CEP57: variants seen among roughly 807,000 people sequenced by gnomAD.
The protein encoded by CEP57 is centrosomal protein of 57 kDa.
CEP57 carries 40 observed loss-of-function variants against 68.0 expected under a neutral mutation model. The observed-to-expected ratio is 0.59, with a 90% CI of 0.46 to 0.77. The LOEUF (loss-of-function observed/expected upper bound fraction) is 0.77. Ranked by LOEUF, CEP57 falls within the 30% of genes least tolerant of loss-of-function variation. The pLI is 0.00. For missense variants in CEP57, 606 were observed against 580.7 expected, an observed-to-expected ratio of 1.04 and a Z score of -0.45; for synonymous variants, 219 against 198.7, an observed-to-expected ratio of 1.10 and a Z score of -0.86.
Position 95,822,553 on chromosome 11 carries a change from G to A in CEP57, c.862G>A (p.Asp288Asn), listed in dbSNP as rs1029918025. 4.3e-6 allele frequency: 7 copies of A among 1,613,644 alleles called. No homozygotes were observed. The Admixed American group carries it at 8.3e-5, about 19-fold the overall frequency. ...ACCACATTATAGATTATGCTTGGGTGATATGCCATTTGTAGCTGGGAAGGT... is the reference window on the plus strand; with the variant it reads ...ACCACATTATAGATTATGCTTGGGTAATATGCCATTTGTAGCTGGGAAGGT... ...AQPHYRLCLG[D>N]MPFVAGKSTS... Residue 288 changes from aspartate to asparagine, a missense_variant, in exon 8 of 11, where the codon GAT becomes AAT. Physicochemically the swap from Asp to Asn is conservative, Grantham distance 23. Transcript: ENST00000325542.
At position 95,799,261 on chromosome 11, in the gene CEP57, T is replaced by G; in HGVS notation, c.75T>G (p.Asn25Lys). The change falls in exon 2 of 11, where the codon AAT (asparagine) becomes AAG (lysine). Residue 25 changes from asparagine (N) to lysine (K), a missense_variant. Asn to Lys is a moderately conservative substitution (Grantham distance 94, BLOSUM62 0). Transcript: ENST00000325542. ...SNSFAEPSRS[N>K]GSMVRHSSSP... is the part of the protein sequence containing the mutation. ...GCTTTGCTGAGCCATCAAGGTCTAA[T>G]GGAAGCATGGTTCGGCATTCTTCAT... 1 of 1,614,188 alleles carries G rather than the reference T, an allele frequency of 6.2e-7. No homozygotes were observed. The highest frequency in any genetic ancestry group is 1.1e-5 in the South Asian group (1 of 91,088).
intron 2 of CEP57, among the ~76,000 whole-genome samples, chr11:95,803,908 A>G (rs1166820997): frequency 6.6e-6 from 1 of 152,084 alleles, no homozygotes; most frequent in East Asian, 1.9e-4. Context: ...TTGTCAAAGG[A>G]TAGTAAAGTT....
intron 2 of CEP57, among the ~76,000 whole-genome samples, chr11:95,804,754 A>C (rs1424215010): frequency 2.0e-5 from 3 of 152,238 alleles, no homozygotes; most frequent in Non-Finnish European, 4.4e-5. Flanking sequence ...TCATATATAA[A>C]TAAATATGAC....
At chr11:95,812,127 C>T (rs1862090943) in intron 2 of CEP57, among the ~76,000 whole-genome samples, 2 of 152,076 alleles carry the variant, frequency 1.3e-5, no homozygotes, top group African/African-American at 2.4e-5. Context: ...TTAGAAAGTA[C>T]TTAAAATGCG....
chr11:95,802,605 T>G (rs192834727), intron 2 of CEP57, among the ~76,000 whole-genome samples: 96 of 152,318 alleles, frequency 6.3e-4, no homozygotes, highest in Non-Finnish European at 1.3e-3. Context: ...TTAGTTTTTC[T>G]TACTGGGAAT....
In CEP57 at chr11:95,831,298, T is replaced by G; in HGVS notation, c.*42T>G. ...AAATTTTATTCAGATAATCTGTACC[T>G]CATCAATCAGATGATGACAATTTAC... On this transcript the variant is annotated 3_prime_UTR_variant, in exon 11 of 11. Transcript: ENST00000325542. 7.4e-7 allele frequency: 1 copy of G among 1,342,606 alleles called. No homozygotes were observed. The highest frequency in any genetic ancestry group is 1.1e-6 in the Non-Finnish European group (1 of 938,466). The allele number at this position is 1,342,606 out of a possible 1,614,324, so 83.2% of individuals were successfully genotyped here. A position where few individuals can be genotyped will look rare whatever the true frequency, so the allele number is the denominator to read the frequency against.
At chr11:95,811,162 A>G (rs1369188605) in intron 2 of CEP57, among the ~76,000 whole-genome samples, 2 of 152,180 alleles carry the variant, frequency 1.3e-5, no homozygotes, top group Non-Finnish European at 1.5e-5. Context: ...ACGGTTCACA[A>G]TAGCAAAGAC....
rs1349447925 is a variant in CEP57, at chr11:95,827,996, A to G, written c.1096A>G (p.Thr366Ala). The change falls in exon 9 of 11, where the codon ACT (threonine) becomes GCT (alanine). Residue 366 changes from threonine (T) to alanine (A), a missense_variant. By Grantham distance (58) the Thr-to-Ala change is moderately conservative. Transcript: ENST00000325542. ...INEELSEVLQ[T>A]LQDEFGQMSF... ...TGAGGAGTTGTCAGAAGTCTTACAG[A>G]CTTTACAGGATGAATTTGGGCAAAT... 1 of 1,613,860 alleles carries G rather than the reference A, an allele frequency of 6.2e-7. No individual in the cohort carries two copies. Among genetic ancestry groups the G allele is most frequent in the Non-Finnish European group, 8.5e-7 (1 of 1,179,954 alleles).
chr11:95,800,721 C>T (rs1861541462), intron 2 of CEP57, among the ~76,000 whole-genome samples: 1 of 152,172 alleles, frequency 6.6e-6, no homozygotes, highest in Non-Finnish European at 1.5e-5. Flanking sequence ...TCTCTGAGTT[C>T]TGTTGTTACA....
chr11:95,796,747 G>T (rs548932065), intron 1 of CEP57, among the ~76,000 whole-genome samples: 17 of 152,186 alleles, frequency 1.1e-4, no homozygotes, highest in African/African-American at 4.1e-4. Flanking sequence ...AAGACTGCCT[G>T]CCCCCAAGTC....
intron 1 of CEP57, among the ~76,000 whole-genome samples, chr11:95,798,090 T>C (rs1331365518): frequency 4.6e-5 from 7 of 152,252 alleles, no homozygotes; most frequent in Non-Finnish European, 8.8e-5. Flanking sequence ...GTCTTTGTTA[T>C]ATATGAACAT....
chr11:95,831,341 C>CTAAGAAACATCTTTCAA lies in CEP57; in HGVS notation c.*85_*86insTAAGAAACATCTTTCAA. The CTAAGAAACATCTTTCAA allele has an allele frequency of 1.0e-6, 1 of 976,484 alleles. No homozygotes were observed. The highest frequency in any genetic ancestry group is 1.6e-6 in the Non-Finnish European group (1 of 624,284). The allele number at this position is 976,484 out of a possible 1,614,324, so 60.5% of individuals were successfully genotyped here. A position where few individuals can be genotyped will look rare whatever the true frequency, so the allele number is the denominator to read the frequency against. ...CAATTTACTTCCCAGGTCTCATACTCACTTATGTTGGAATTAATTAATAGC... is the reference window on the plus strand; with the variant it reads ...CAATTTACTTCCCAGGTCTCATACTCTAAGAAACATCTTTCAAACTTATGTTGGAATTAATTAATAGC... On this transcript the variant is annotated 3_prime_UTR_variant, in exon 11 of 11. Coordinates refer to ENST00000325542, the MANE Select transcript of CEP57 (RefSeq NM_014679.5).
At position 95,832,575 on chromosome 11, in the gene CEP57, G is replaced by C. The variant is rs992811796; in HGVS notation, c.*1319G>C. On this transcript the variant is annotated 3_prime_UTR_variant, in exon 11 of 11. Coordinates refer to ENST00000325542, the MANE Select transcript of CEP57 (RefSeq NM_014679.5). ...GAGCCCATAGACACAAGGGAAGTGAGAAACAGTGCTCTGGTGACATGATAA... is the reference window on the plus strand; with the variant it reads ...GAGCCCATAGACACAAGGGAAGTGACAAACAGTGCTCTGGTGACATGATAA... 1 of 152,130 alleles carries C rather than the reference G, an allele frequency of 6.6e-6. No individual in the cohort carries two copies. Among genetic ancestry groups the C allele is most frequent in the Admixed American group, 6.6e-5 (1 of 15,264 alleles). The allele number at this position is 152,130 out of a possible 1,614,324, so 9.4% of individuals were successfully genotyped here.
At chr11:95,800,742 C>T (rs1410054627) in intron 2 of CEP57, among the ~76,000 whole-genome samples, 1 of 151,864 alleles carries the variant, frequency 6.6e-6, no homozygotes, top group Non-Finnish European at 1.5e-5. Flanking sequence ...TTTCTCTAAC[C>T]ACAGCGGGAG....
chr11:95,813,020 G>T lies in CEP57; in HGVS notation c.291G>T (p.Leu97Phe). 6.2e-7 allele frequency: 1 copy of T among 1,613,958 alleles called. No individual in the cohort carries two copies. The highest frequency in any genetic ancestry group is 8.5e-7 in the Non-Finnish European group (1 of 1,179,936). Residue 97 changes from leucine (L) to phenylalanine (F), a missense_variant, in exon 3 of 11, where the codon TTG (leucine) becomes TTT (phenylalanine). Physicochemically the swap from Leu to Phe is conservative, Grantham distance 22. Coordinates refer to ENST00000325542, the MANE Select transcript of CEP57 (RefSeq NM_014679.5). ...AGGCAGAAGAAAGTGTGAAAACCTTGTCTAGAGAAACAATTGAATATAAGA... is the reference window on the plus strand; with the variant it reads ...AGGCAGAAGAAAGTGTGAAAACCTTTTCTAGAGAAACAATTGAATATAAGA... ...RIQAEESVKT[L>F]SRETIEYKKV... is the part of the protein sequence containing the mutation.
At chr11:95,808,592 A>G (rs1332320188) in intron 2 of CEP57, among the ~76,000 whole-genome samples, 1 of 151,098 alleles carries the variant, frequency 6.6e-6, no homozygotes, top group African/African-American at 2.4e-5. Context: ...AAAACGGACT[A>G]GATCAAAAGA....
At chr11:95,822,642 G>A in intron 8 of CEP57, 66 bp downstream of exon 8, 1 of 1,288,486 alleles carries the variant, frequency 7.8e-7, no homozygotes, top group Non-Finnish European at 1.1e-6. Flanking sequence ...CCCTGCATCT[G>A]CAAGTATGTC....
intron 4 of CEP57, among the ~76,000 whole-genome samples, chr11:95,814,522 G>A (rs201254362): frequency 1.7e-4 from 26 of 152,102 alleles, no homozygotes; most frequent in African/African-American, 6.0e-4. Context: ...CACCACACCC[G>A]GCTAATTTTG....
intron 2 of CEP57, among the ~76,000 whole-genome samples, chr11:95,801,307 T>A (rs1861567953): frequency 6.6e-6 from 1 of 152,180 alleles, no homozygotes. Flanking sequence ...CTCTTTATTA[T>A]AAGATACTGT....
Sources: gnomAD v4.1 joint callset for allele counts (sites outside exome capture counted in the v4.1 genomes callset) on GRCh38, gnomAD v4.1.1 for gene constraint, MANE v1.5 for transcripts, NCBI Gene and HGNC (gene_info 2026-07-23, HGNC 2026-07-21) for gene names.